CSMD1: variants seen among roughly 807,000 people sequenced by gnomAD.
The protein encoded by CSMD1 is CUB and sushi domain-containing protein 1.
A neutral mutation model predicts 417.5 loss-of-function variants in CSMD1; 213 were observed. That is an observed-to-expected ratio of 0.51 (90% CI 0.46 to 0.57). The LOEUF (loss-of-function observed/expected upper bound fraction) is 0.57, where lower values mean the gene tolerates loss of function less well. Among genes scored for constraint, CSMD1 ranks in the 20% least tolerant of loss-of-function variants. The pLI, the probability that CSMD1 is intolerant of heterozygous loss-of-function variation, is 0.00. For synonymous variants in CSMD1, 2,862 were observed against 1,736.8 expected (o/e 1.65, Z -16.11); for missense variants, 6,923 against 4,529.7 (o/e 1.53, Z -15.17).
intron 5 of CSMD1, among the ~76,000 whole-genome samples, chr8:3,888,104 G>T (rs192468421): frequency 3.3e-5 from 5 of 152,068 alleles, no homozygotes; most frequent in Admixed American, 2.6e-4. Context: ...AAAAACCAAC[G>T]CTCCTTTGCC....
intron 7 of CSMD1, among the ~76,000 whole-genome samples, chr8:3,686,732 T>A (rs1799962361): frequency 6.6e-6 from 1 of 152,232 alleles, no homozygotes; most frequent in African/African-American, 2.4e-5. Context: ...TTGCCACGTT[T>A]CACAAGCAAA....
At chr8:4,564,289 T>C (rs1209167231) in intron 2 of CSMD1, among the ~76,000 whole-genome samples, 1 of 152,232 alleles carries the variant, frequency 6.6e-6, no homozygotes, top group East Asian at 1.9e-4. Flanking sequence ...GCTCAAATTT[T>C]AATTAGCATA....
intron 3 of CSMD1, among the ~76,000 whole-genome samples, chr8:4,160,479 T>A (rs536096606): frequency 6.6e-6 from 1 of 152,184 alleles, no homozygotes; most frequent in African/African-American, 2.4e-5. Flanking sequence ...TGTGTCTTCA[T>A]GAGGTCCGAA....
intron 3 of CSMD1, among the ~76,000 whole-genome samples, chr8:4,060,217 G>C (rs1798899915): frequency 9.1e-6 from 1 of 109,720 alleles, no homozygotes; most frequent in African/African-American, 3.1e-5. Context: ...AATAGATGCA[G>C]AAAAGGCCTT....
At chr8:4,668,415 C>CATT (rs35735246) in intron 1 of CSMD1, among the ~76,000 whole-genome samples, 31,774 of 129,678 alleles carry the variant, frequency 0.25, 4,022 homozygotes, top group Non-Finnish European at 0.26. Context: ...TGATGTTTTC[C>CATT]ATTATTATTA....
chr8:4,021,451 C>T (rs1262043845), intron 4 of CSMD1, among the ~76,000 whole-genome samples: 2 of 152,216 alleles, frequency 1.3e-5, no homozygotes, highest in African/African-American at 4.8e-5. Flanking sequence ...TTACTAAGGA[C>T]CTGGCTTTTG....
chr8:3,480,914 TG>T (rs1817705347), intron 11 of CSMD1, among the ~76,000 whole-genome samples: 1 of 152,000 alleles, frequency 6.6e-6, no homozygotes, highest in Admixed American at 6.6e-5. Context: ...CCCAGCACTT[TG>T]GGAGGCCGAG....
At chr8:3,833,653 T>C (rs145108192) in intron 5 of CSMD1, among the ~76,000 whole-genome samples, 82 of 152,230 alleles carry the variant, frequency 5.4e-4, no homozygotes, top group African/African-American at 1.7e-3. Flanking sequence ...ATGGTGTTTG[T>C]ATGGGACAAC....
chr8:4,316,678 C>G (rs528764145), intron 3 of CSMD1, among the ~76,000 whole-genome samples: 9 of 152,002 alleles, frequency 5.9e-5, no homozygotes, highest in East Asian at 5.8e-4. Flanking sequence ...CAAATGCAAA[C>G]TAAGGGGGGG....
At chr8:3,482,366 G>A (rs977932258) in intron 11 of CSMD1, among the ~76,000 whole-genome samples, 1 of 152,106 alleles carries the variant, frequency 6.6e-6, no homozygotes, top group South Asian at 2.1e-4. Flanking sequence ...AAAAGCAGGA[G>A]TGCCTATGTT....
chr8:3,517,182 G>A (rs531928143), intron 10 of CSMD1, among the ~76,000 whole-genome samples: 2 of 152,274 alleles, frequency 1.3e-5, no homozygotes, highest in South Asian at 4.1e-4. Flanking sequence ...CCTGTCACCA[G>A]ATGTTTGACT....
intron 2 of CSMD1, among the ~76,000 whole-genome samples, chr8:4,489,654 A>G (rs1801597895): frequency 6.6e-6 from 1 of 152,182 alleles, no homozygotes; most frequent in Non-Finnish European, 1.5e-5. Flanking sequence ...AGCTAAGGTG[A>G]CGGCATGCGT....
At chr8:4,405,057 T>C (rs1804914575) in intron 3 of CSMD1, among the ~76,000 whole-genome samples, 1 of 152,230 alleles carries the variant, frequency 6.6e-6, no homozygotes. Flanking sequence ...TGCTGGACAC[T>C]TTCTCAAATC....
At chr8:3,664,721 T>G (rs773892777) in intron 7 of CSMD1, among the ~76,000 whole-genome samples, 1 of 152,158 alleles carries the variant, frequency 6.6e-6, no homozygotes, top group Non-Finnish European at 1.5e-5. Context: ...GGATGTTGAA[T>G]AAAAATATCT....
intron 7 of CSMD1, among the ~76,000 whole-genome samples, chr8:3,701,802 T>A (rs1190814170): frequency 2.0e-5 from 3 of 152,168 alleles, no homozygotes; most frequent in African/African-American, 7.2e-5. Context: ...AAAACAGAGA[T>A]ACAAGTTTTA....
intron 5 of CSMD1, among the ~76,000 whole-genome samples, chr8:3,972,058 A>G (rs1275458520): frequency 1.3e-5 from 2 of 151,926 alleles, no homozygotes; most frequent in African/African-American, 4.8e-5. Flanking sequence ...TTTCATAGAG[A>G]CAGGGGCTCT....
chr8:4,082,365 C>A (rs189059093), intron 3 of CSMD1, among the ~76,000 whole-genome samples: 2 of 152,230 alleles, frequency 1.3e-5, no homozygotes, highest in African/African-American at 4.8e-5. Context: ...CAGATGGTTT[C>A]ACTGGTGAGT....
chr8:3,207,217 G>C (rs951251242), intron 30 of CSMD1, among the ~76,000 whole-genome samples: 2 of 137,636 alleles, frequency 1.5e-5, no homozygotes, highest in Admixed American at 1.6e-4. Flanking sequence ...CATGATCTCA[G>C]CTCACTGCAA....
intron 12 of CSMD1, among the ~76,000 whole-genome samples, chr8:3,411,350 C>A (rs910721995): frequency 2.0e-5 from 3 of 149,672 alleles, no homozygotes; most frequent in African/African-American, 7.5e-5. Flanking sequence ...AGTAACCTAA[C>A]TACTTCCTTT....
Sources: allele counts gnomAD v4.1 joint callset (sites outside exome capture counted in the v4.1 genomes callset), GRCh38; gene constraint gnomAD v4.1.1; transcripts MANE v1.5; gene names NCBI Gene and HGNC (gene_info 2026-07-23, HGNC 2026-07-21).